The following CYSLTR2 variants were observed in gnomAD, a reference collection of about 807,000 sequenced individuals.
CYSLTR2 encodes the protein cysteinyl leukotriene receptor 2, also known as G-protein coupled receptor GPCR21.
For synonymous variants in CYSLTR2, 179 were observed against 160.8 expected, an observed-to-expected ratio of 1.11 and a Z score of -0.86; for missense variants, 398 against 411.9, an observed-to-expected ratio of 0.97 and a Z score of 0.29.
intron 1 of CYSLTR2, among the ~76,000 whole-genome samples, chr13:48,669,072 G>A (rs896440474): frequency 4.6e-5 from 7 of 152,194 alleles, no homozygotes; most frequent in Non-Finnish European, 1.0e-4. Context: ...ATAAACATGT[G>A]TGTGAATGTG....
intron 1 of CYSLTR2, among the ~76,000 whole-genome samples, chr13:48,655,896 A>T (rs1296132562): frequency 6.6e-6 from 1 of 152,198 alleles, no homozygotes; most frequent in Non-Finnish European, 1.5e-5. Flanking sequence ...AAATTGGTTA[A>T]ACAAATTTCA....
At chr13:48,700,904 C>T (rs1202955757) in intron 4 of CYSLTR2, among the ~76,000 whole-genome samples, 8 of 152,140 alleles carry the variant, frequency 5.3e-5, no homozygotes, top group Admixed American at 5.2e-4. Context: ...CTCCCATTCA[C>T]AATTGCTTCA....
chr13:48,689,507 G>A (rs1593993853), intron 1 of CYSLTR2, among the ~76,000 whole-genome samples: 1 of 152,198 alleles, frequency 6.6e-6, no homozygotes, highest in African/African-American at 2.4e-5. Context: ...TTATTAAGTA[G>A]GGAATTCTTT....
chr13:48,689,869 G>T (rs1953992376), intron 1 of CYSLTR2, among the ~76,000 whole-genome samples: 1 of 152,104 alleles, frequency 6.6e-6, no homozygotes, highest in Non-Finnish European at 1.5e-5. Flanking sequence ...TCATGATACT[G>T]ATTCTTCCTA....
intron 1 of CYSLTR2, among the ~76,000 whole-genome samples, chr13:48,672,775 G>A (rs563167501): frequency 6.6e-5 from 10 of 151,842 alleles, no homozygotes; most frequent in South Asian, 4.2e-4. Context: ...CTGCCACCAC[G>A]CCCGGCTAAT....
chr13:48,661,286 C>T (rs1953122131), intron 1 of CYSLTR2, among the ~76,000 whole-genome samples: 2 of 151,766 alleles, frequency 1.3e-5, no homozygotes, highest in Admixed American at 1.3e-4. Context: ...GAGCTGACGC[C>T]GAGGGAGATA....
chr13:48,682,339 C>A (rs7330127), intron 1 of CYSLTR2, among the ~76,000 whole-genome samples: 56,505 of 152,024 alleles, frequency 0.37, 11,576 homozygotes, highest in South Asian at 0.49. Context: ...TTAAGACACT[C>A]TCTCCAAGCT....
At chr13:48,668,954 G>A (rs184761450) in intron 1 of CYSLTR2, among the ~76,000 whole-genome samples, 8 of 152,142 alleles carry the variant, frequency 5.3e-5, no homozygotes, top group Non-Finnish European at 8.8e-5. Flanking sequence ...CTTTTTTATG[G>A]CTGCGTAGTA....
Position 48,706,799 on chromosome 13 carries a change from T to G in CYSLTR2, c.-1-18T>G. The G allele has an allele frequency of 6.3e-7, 1 of 1,580,852 alleles. No individual in the cohort carries two copies. On this transcript the variant is annotated intron_variant, in intron 4 of 4. Coordinates refer to ENST00000682523, the MANE Select transcript of CYSLTR2 (RefSeq NM_001308476.3). ...AATTCACAAAGTAACTTTTTGTGTC[T>G]GTTTCTTTTTAACCCAGCATGGAGA...
At chr13:48,663,734 T>G (rs1220436339) in intron 1 of CYSLTR2, among the ~76,000 whole-genome samples, 1 of 152,040 alleles carries the variant, frequency 6.6e-6, no homozygotes, top group Non-Finnish European at 1.5e-5. Flanking sequence ...CTAAGAGTTT[T>G]TGGTAGAGTC....
intron 4 of CYSLTR2, among the ~76,000 whole-genome samples, chr13:48,706,048 G>A (rs1315753670): frequency 6.7e-6 from 1 of 148,188 alleles, no homozygotes; most frequent in Non-Finnish European, 1.5e-5. Context: ...CCCAGCTGGA[G>A]TGCAATGGCA....
intron 1 of CYSLTR2, among the ~76,000 whole-genome samples, chr13:48,690,850 T>C (rs1359731585): frequency 6.6e-6 from 1 of 152,150 alleles, no homozygotes; most frequent in Non-Finnish European, 1.5e-5. Flanking sequence ...TCTTTGTACC[T>C]CTGGTAGATA....
At chr13:48,685,709 C>T (rs7332008) in intron 1 of CYSLTR2, among the ~76,000 whole-genome samples, 56,261 of 151,982 alleles carry the variant, frequency 0.37, 11,559 homozygotes, top group South Asian at 0.5. Context: ...GGTGATAGTT[C>T]CCTTTCTCTT....
chr13:48,678,963 G>T (rs1953675079), intron 1 of CYSLTR2, among the ~76,000 whole-genome samples: 1 of 152,074 alleles, frequency 6.6e-6, no homozygotes, highest in South Asian at 2.1e-4. Context: ...TGCTGCCAGT[G>T]TCACCTCTCT....
chr13:48,669,365 T>C (rs1239486139), intron 1 of CYSLTR2, among the ~76,000 whole-genome samples: 2 of 152,094 alleles, frequency 1.3e-5, no homozygotes, highest in Admixed American at 1.3e-4. Flanking sequence ...GCCATGATTG[T>C]TTGCTGCACT....
chr13:48,699,195 C>A (rs1954276210), intron 4 of CYSLTR2, among the ~76,000 whole-genome samples: 1 of 152,212 alleles, frequency 6.6e-6, no homozygotes, highest in African/African-American at 2.4e-5. Flanking sequence ...ACAGAACTCT[C>A]CACCCCAAGT....
At position 48,675,433 on chromosome 13, in the gene CYSLTR2, T is replaced by C. The variant is rs143049779; in HGVS notation, c.-265-15779T>C. 3.9e-5 allele frequency among the ~76,000 whole-genome samples: 6 copies of C among 152,298 alleles called. No individual in the cohort carries two copies. The East Asian group carries it at 1.2e-3, about 29-fold the overall frequency. On this transcript the variant is annotated intron_variant, in intron 1 of 4. Transcript: ENST00000682523. ...GTTCGAACTTCCTGTCAGCTTTGTT[T>C]ACACTGTGAGGGGAAAACTGCCTAC... is the stretch of plus-strand genomic sequence containing the variant.
chr13:48,666,919 C>T (rs537411983), intron 1 of CYSLTR2, among the ~76,000 whole-genome samples: 1 of 152,174 alleles, frequency 6.6e-6, no homozygotes, highest in African/African-American at 2.4e-5. Context: ...TGATTTGGGT[C>T]TGTTACTAGA....
intron 1 of CYSLTR2, among the ~76,000 whole-genome samples, chr13:48,671,540 G>A (rs528472637): frequency 5.6e-4 from 85 of 152,240 alleles, no homozygotes; most frequent in African/African-American, 1.8e-3. Context: ...ATATTCATGT[G>A]GTTTTTGTCA....
Sources: allele counts gnomAD v4.1 joint callset (sites outside exome capture counted in the v4.1 genomes callset), GRCh38; gene constraint gnomAD v4.1.1; transcripts MANE v1.5; gene names NCBI Gene and HGNC (gene_info 2026-07-23, HGNC 2026-07-21).